LRRK1: variants seen among roughly 807,000 people sequenced by gnomAD.
The protein encoded by LRRK1 is leucine rich repeat kinase 1.
A neutral mutation model predicts 209.1 loss-of-function variants in LRRK1; 113 were observed. The observed-to-expected ratio is 0.54, with a 90% CI of 0.46 to 0.63. The LOEUF is 0.63. LRRK1 is among the 30% of genes least tolerant of loss of function. The probability of loss-of-function intolerance (pLI) is 0.00; values close to 1 mark genes in which losing one functional copy is unlikely to be tolerated. For synonymous variants in LRRK1, 1,144 were observed against 1,099.7 expected, an observed-to-expected ratio of 1.04 and a Z score of -0.80; for missense variants, 2,284 against 2,632.2, an observed-to-expected ratio of 0.87 and a Z score of 2.89.
At position 101,076,047 on chromosome 15, in the gene LRRK1, C is replaced by T. The variant is rs1210019656; in HGVS notation, c.*7199C>T. On this transcript the variant is annotated 3_prime_UTR_variant, in exon 34 of 34. Transcript: ENST00000388948. The stretch of plus-strand genomic sequence containing the variant: ...TTAATCTCCCAAACCCCAACCCCTT[C>T]TACAAAACAAGAACTCCTTTCCTTC... The T allele has an allele frequency of 6.6e-6, 1 of 152,212 alleles. No homozygotes were observed. Among genetic ancestry groups the T allele is most frequent in the East Asian group, 1.9e-4 (1 of 5,202 alleles). 9.4% of individuals were successfully genotyped at this position (152,212 alleles called of 1,614,324 possible). A position where few individuals can be genotyped will look rare whatever the true frequency, so the allele number is the denominator to read the frequency against.
At chr15:100,954,026 C>A (rs747891317) in intron 2 of LRRK1, among the ~76,000 whole-genome samples, 9 of 152,126 alleles carry the variant, frequency 5.9e-5, no homozygotes, top group Non-Finnish European at 1.2e-4. Flanking sequence ...AGCAATTCTT[C>A]TGCCTCAGCC....
intron 2 of LRRK1, among the ~76,000 whole-genome samples, chr15:100,966,146 A>G (rs1218189882): frequency 6.6e-6 from 1 of 152,202 alleles, no homozygotes; most frequent in Non-Finnish European, 1.5e-5. Flanking sequence ...CTACATTTTA[A>G]GTTTAAATCA....
chr15:101,048,790 TG>T (rs1275818165), intron 22 of LRRK1, 133 bp downstream of exon 22: 1 of 676,178 alleles, frequency 1.5e-6, no homozygotes, highest in Non-Finnish European at 2.3e-6. Context: ...CATGGCAGCT[TG>T]CTAGAAATGT....
chr15:101,053,647 A>G (rs1429311689), intron 26 of LRRK1, among the ~76,000 whole-genome samples: 1 of 152,232 alleles, frequency 6.6e-6, no homozygotes, highest in East Asian at 1.9e-4. Context: ...GAGTCGGCTA[A>G]GACCAGGCTC....
intron 2 of LRRK1, among the ~76,000 whole-genome samples, chr15:100,938,650 C>T (rs1415651012): frequency 6.6e-6 from 1 of 151,914 alleles, no homozygotes; most frequent in Admixed American, 6.6e-5. Context: ...CAATTCCATA[C>T]TTATAGCTTA....
At chr15:101,056,827 C>T (rs369014390) in intron 27 of LRRK1, 29 bp from the exon 28 acceptor site, 168 of 1,534,998 alleles carry the variant, frequency 1.1e-4, no homozygotes, top group Non-Finnish European at 1.3e-4. Flanking sequence ...GCCCAGGCAG[C>T]GACCTGACTT....
intron 2 of LRRK1, among the ~76,000 whole-genome samples, chr15:100,944,156 C>G (rs905450412): frequency 7.9e-5 from 12 of 152,112 alleles, no homozygotes; most frequent in African/African-American, 1.4e-4. Flanking sequence ...GAGCTTCTTG[C>G]TTTAATATCA....
In LRRK1 at chr15:101,008,833, C is replaced by T. The variant is rs146945758; in HGVS notation, c.763-4C>T. 650 of 1,609,924 alleles carry T rather than the reference C, an allele frequency of 4.0e-4. No individual in the cohort carries two copies. The highest frequency in any genetic ancestry group is 2.2e-3 in the East Asian group (97 of 44,848). On this transcript the variant is annotated splice_polypyrimidine_tract_variant and splice_region_variant and intron_variant, in intron 6 of 33. Coordinates refer to ENST00000388948, the MANE Select transcript of LRRK1 (RefSeq NM_024652.6). The stretch of plus-strand genomic sequence containing the variant: ...ATGTGCTTTTCCTTTCTTTCCACCA[C>T]CAGGCTCTCCGTGTGAAATGGTCCC...
rs376934466 is a variant in LRRK1, at chr15:100,968,836, C to T, written c.98-4968C>T. 4.8e-5 allele frequency among the ~76,000 whole-genome samples: 7 copies of T among 144,442 alleles called. No individual in the cohort carries two copies. In the East Asian group the frequency reaches 1.4e-3, roughly 29 times the overall value. The allele number at this position is 144,442 out of a possible 152,430, so 94.8% of individuals were successfully genotyped here. A position where few individuals can be genotyped will look rare whatever the true frequency, so the allele number is the denominator to read the frequency against. ...CCTTCCCTTCCTTTCCCTTCCCTTC[C>T]TTCTGTTTTGTTTTTTTGAGACAGG... On this transcript the variant is annotated intron_variant, in intron 2 of 33. Coordinates refer to ENST00000388948, the MANE Select transcript of LRRK1 (RefSeq NM_024652.6).
intron 12 of LRRK1, among the ~76,000 whole-genome samples, chr15:101,018,619 T>C (rs1338369045): frequency 6.6e-6 from 1 of 152,160 alleles, no homozygotes; most frequent in African/African-American, 2.4e-5. Context: ...ATCACAGGCA[T>C]GCATGGAAAA....
chr15:100,955,821 C>T (rs1256032645), intron 2 of LRRK1, among the ~76,000 whole-genome samples: 2 of 152,044 alleles, frequency 1.3e-5, no homozygotes, highest in African/African-American at 4.8e-5. Flanking sequence ...ACCATCCTTG[C>T]TTCCCAGGCT....
chr15:100,957,192 G>A (rs1227371564), intron 2 of LRRK1, among the ~76,000 whole-genome samples: 1 of 152,142 alleles, frequency 6.6e-6, no homozygotes, highest in African/African-American at 2.4e-5. Context: ...AATATGTTAA[G>A]ACTTGTTTTA....
intron 12 of LRRK1, among the ~76,000 whole-genome samples, chr15:101,017,945 G>A (rs542496450): frequency 6.6e-6 from 1 of 151,796 alleles, no homozygotes; most frequent in African/African-American, 2.4e-5. Context: ...AGGAATATAG[G>A]TATAACTTTG....
At chr15:101,026,605 A>G (rs763258721) in intron 17 of LRRK1, among the ~76,000 whole-genome samples, 2 of 152,266 alleles carry the variant, frequency 1.3e-5, no homozygotes, top group African/African-American at 4.8e-5. Context: ...GTGTCCATAC[A>G]GATAAGTCCA....
At chr15:100,964,903 A>T (rs1311046490) in intron 2 of LRRK1, among the ~76,000 whole-genome samples, 5 of 152,242 alleles carry the variant, frequency 3.3e-5, no homozygotes, top group Admixed American at 1.3e-4. Flanking sequence ...TTGTAGGGAA[A>T]AAAAACAGTA....
chr15:101,028,420 TAC>T (rs2034139752), intron 19 of LRRK1, among the ~76,000 whole-genome samples: 1 of 152,234 alleles, frequency 6.6e-6, no homozygotes, highest in African/African-American at 2.4e-5. Context: ...CTTAGGGAAC[TAC>T]ACAGCGTTTC....
chr15:101,027,298 C>T lies in LRRK1; in HGVS notation c.2443C>T (p.Leu815=), dbSNP rs950380412. The part of the protein sequence containing the change: ...SCKSLEGQEG[L]RQLIFHVTCS... ...CAAGAGCCTGGAAGGTCAGGAAGGG[C>T]TGCGACAGCTGATTTTCCACGTCAC... is the stretch of plus-strand genomic sequence containing the variant. The change falls in exon 18 of 34, where the codon CTG becomes TTG. Residue 815 remains leucine (L), a synonymous_variant. Coordinates refer to ENST00000388948, the MANE Select transcript of LRRK1 (RefSeq NM_024652.6). The surrounding 1 kb of genome is among the most constrained non-coding windows in gnomAD (Gnocchi z 5.1). 11 of 1,613,996 alleles carry T rather than the reference C, an allele frequency of 6.8e-6. No homozygotes were observed.
chr15:101,073,009 T>C lies in LRRK1; in HGVS notation c.*4161T>C. ...AATCCCCTGTCCTCCTGCTCTTTGG[T>C]CCATGAGAAAGATCCACCTACAACC... is the stretch of plus-strand genomic sequence containing the variant. On this transcript the variant is annotated 3_prime_UTR_variant, in exon 34 of 34. Transcript: ENST00000388948. 5.6e-6 allele frequency: 1 copy of C among 178,796 alleles called. No individual in the cohort carries two copies. The highest frequency in any genetic ancestry group is 1.1e-5 in the Non-Finnish European group (1 of 88,074). The allele number at this position is 178,796 out of a possible 1,614,324, so 11.1% of individuals were successfully genotyped here.
intron 20 of LRRK1, chr15:101,044,013 T>C (rs889171028): frequency 6.6e-6 from 1 of 152,186 alleles, no homozygotes; most frequent in African/African-American, 2.4e-5. Flanking sequence ...GGTGTCGGGT[T>C]CTGTACACAT....
Sources: allele counts gnomAD v4.1 joint callset (sites outside exome capture counted in the v4.1 genomes callset), GRCh38; gene constraint gnomAD v4.1.1; non-coding constraint Gnocchi (gnomAD v3.1); transcripts MANE v1.5; gene names NCBI Gene and HGNC (gene_info 2026-07-23, HGNC 2026-07-21).